IRF2: variants seen among roughly 807,000 people sequenced by gnomAD.
IRF2 encodes the protein interferon regulatory factor 2.
Under a neutral mutation model 40.6 loss-of-function variants are expected in IRF2, and 15 were observed. That is an observed-to-expected ratio of 0.37 (90% CI 0.25 to 0.57). The LOEUF is 0.57. IRF2 is among the 20% of genes least tolerant of loss of function. The pLI is 0.77. For missense variants in IRF2, 317 were observed against 455.7 expected, an observed-to-expected ratio of 0.70 and a Z score of 2.77; for synonymous variants, 151 against 165.5, an observed-to-expected ratio of 0.91 and a Z score of 0.67.
chr4:184,392,250 A>G (rs1338360966), intron 7 of IRF2, among the ~76,000 whole-genome samples: 1 of 152,216 alleles, frequency 6.6e-6, no homozygotes, highest in East Asian at 1.9e-4. Context: ...AGTAACTGCA[A>G]TAGCTTCTCT....
chr4:184,440,672 T>C (rs1229466270), intron 1 of IRF2, among the ~76,000 whole-genome samples: 1 of 152,230 alleles, frequency 6.6e-6, no homozygotes, highest in Non-Finnish European at 1.5e-5. Context: ...CCTGTTCCCA[T>C]TTTCCACAGG....
intron 1 of IRF2, among the ~76,000 whole-genome samples, chr4:184,458,617 C>T (rs969592795): frequency 2.0e-4 from 31 of 152,216 alleles, no homozygotes; most frequent in African/African-American, 7.0e-4. Context: ...ACTCCTCTTA[C>T]CACTCTGCTT....
rs553954040 is a variant in IRF2, at chr4:184,416,461, A to G, written c.411+1706T>C. Among the ~76,000 whole-genome samples, 153 of 152,270 alleles carry G rather than the reference A, an allele frequency of 1.0e-3. 1 individual carries two copies. Among genetic ancestry groups the G allele is most frequent in the African/African-American group, 3.6e-3 (149 of 41,552 alleles). ...AACATATATCCTTAAAAAATACTTA[A>G]AAGACATTCAAAAATCACATGTGGA... is the stretch of plus-strand genomic sequence containing the variant. On this transcript the variant is annotated intron_variant, in intron 5 of 8. Coordinates refer to ENST00000393593, the MANE Select transcript of IRF2 (RefSeq NM_002199.4).
chr4:184,397,929 C>G (rs575285714), intron 7 of IRF2, among the ~76,000 whole-genome samples: 10 of 152,308 alleles, frequency 6.6e-5, no homozygotes, highest in African/African-American at 2.4e-4. Flanking sequence ...AATGGAAGAA[C>G]CAACTGGATC....
At position 184,408,211 on chromosome 4, in the gene IRF2, G is replaced by T. The variant is rs867731983; in HGVS notation, c.476C>A (p.Ala159Glu). The T allele has an allele frequency of 6.2e-7, 1 of 1,612,538 alleles. No individual in the cohort carries two copies. Among genetic ancestry groups the T allele is most frequent in the Admixed American group, 1.7e-5 (1 of 60,002 alleles). Residue 159 changes from alanine (A) to glutamate (E), a missense_variant, in exon 6 of 9, where the codon GCG becomes GAG. By Grantham distance (107) the Ala-to-Glu change is moderately radical. This residue lies in a region of IRF2 where 262 missense variants were observed against 334.0 expected (regional missense o/e 0.78). Coordinates refer to ENST00000393593, the MANE Select transcript of IRF2 (RefSeq NM_002199.4). The surrounding 1 kb of genome is among the most constrained non-coding windows in gnomAD (Gnocchi z 4.9). The stretch of plus-strand genomic sequence containing the variant: ...ATTTTTTATAGTTGAAGTCAGGACC[G>T]CATACTCAGGAGAAAGATCACTTAC... Reference protein sequence around the residue: ...NGVSDLSPEYAVLTSTIKNEV... With the variant: ...NGVSDLSPEYEVLTSTIKNEV...
Position 184,388,625 on chromosome 4 carries a change from A to G in IRF2, c.*133T>C. ...TCCAGTACTGGAGTTGGACACAGCA[A>G]TCAATGTTCTATTGTCAAGGCTTTT... On this transcript the variant is annotated 3_prime_UTR_variant, in exon 9 of 9. Coordinates refer to ENST00000393593, the MANE Select transcript of IRF2 (RefSeq NM_002199.4). The surrounding 1 kb of genome is among the most constrained non-coding windows in gnomAD (Gnocchi z 4.6). The G allele has an allele frequency of 1.1e-6, 1 of 906,866 alleles. No homozygotes were observed. The highest frequency in any genetic ancestry group is 1.7e-6 in the Non-Finnish European group (1 of 591,130). 56.2% of individuals were successfully genotyped at this position (906,866 alleles called of 1,614,324 possible).
At chr4:184,423,051 A>T (rs1420799650) in intron 2 of IRF2, among the ~76,000 whole-genome samples, 1 of 152,196 alleles carries the variant, frequency 6.6e-6, no homozygotes, top group Non-Finnish European at 1.5e-5. Flanking sequence ...TTTGAAGAAG[A>T]CCATATGAAA....
At chr4:184,418,140 C>A in intron 5 of IRF2, 27 bp downstream of exon 5, 1 of 1,596,732 alleles carries the variant, frequency 6.3e-7, no homozygotes, top group South Asian at 1.1e-5. Flanking sequence ...CCAACTTTGG[C>A]TTTCTCTCTG....
At chr4:184,406,841 A>G (rs1365309629) in intron 6 of IRF2, among the ~76,000 whole-genome samples, 5 of 152,214 alleles carry the variant, frequency 3.3e-5, no homozygotes, top group Non-Finnish European at 2.9e-5. Context: ...GAGTTTCACC[A>G]TAGATAAAGA....
intron 5 of IRF2, among the ~76,000 whole-genome samples, chr4:184,409,258 C>T (rs1192174001): frequency 5.3e-5 from 8 of 152,102 alleles, no homozygotes; most frequent in South Asian, 2.1e-4. Context: ...CAACAGTGGT[C>T]GGCTCTGAAA....
At chr4:184,449,972 G>A (rs1394543624) in intron 1 of IRF2, among the ~76,000 whole-genome samples, 6 of 152,186 alleles carry the variant, frequency 3.9e-5, no homozygotes, top group Non-Finnish European at 7.4e-5. Context: ...AGAAGCCTCT[G>A]GTTGTAGGGG....
intron 1 of IRF2, among the ~76,000 whole-genome samples, chr4:184,452,806 GAAAGAA>G: frequency 9.4e-6 from 1 of 106,736 alleles, no homozygotes. Flanking sequence ...GGGAAAGAAA[GAAAGAA>G]GAAATAGAGA....
At chr4:184,473,171 T>C (rs1739580899) in intron 1 of IRF2, among the ~76,000 whole-genome samples, 1 of 151,150 alleles carries the variant, frequency 6.6e-6, no homozygotes, top group Admixed American at 6.6e-5. Context: ...GCACCAACCA[T>C]GTTCGGCCAG....
intron 5 of IRF2, among the ~76,000 whole-genome samples, chr4:184,416,328 CAAAAAAAAAAA>C (rs35274774): frequency 3.0e-5 from 3 of 100,174 alleles, no homozygotes; most frequent in African/African-American, 3.9e-5. Flanking sequence ...AAAAAAAAAA[CAAAAAAAAAAA>C]AAAACGAAAA....
At chr4:184,459,840 A>G (rs1225114368) in intron 1 of IRF2, among the ~76,000 whole-genome samples, 2 of 152,368 alleles carry the variant, frequency 1.3e-5, no homozygotes, top group Non-Finnish European at 2.9e-5. Flanking sequence ...CCCTATCAAA[A>G]CAAAAAGATA....
At chr4:184,472,534 A>T (rs1031734101) in intron 1 of IRF2, 1 of 152,152 alleles carries the variant, frequency 6.6e-6, no homozygotes, top group Non-Finnish European at 1.5e-5. Flanking sequence ...CTGGCCATTC[A>T]TCAAAAGCAG....
chr4:184,421,810 C>T (rs1737493020), intron 2 of IRF2, among the ~76,000 whole-genome samples: 1 of 152,206 alleles, frequency 6.6e-6, no homozygotes, highest in African/African-American at 2.4e-5. Flanking sequence ...CCAAACCCAG[C>T]AACATACACT....
At chr4:184,395,273 C>T (rs1177973309) in intron 7 of IRF2, among the ~76,000 whole-genome samples, 2 of 151,912 alleles carry the variant, frequency 1.3e-5, no homozygotes, top group Non-Finnish European at 2.9e-5. Context: ...ATTAGCCGGG[C>T]TTGGTTGTGG....
chr4:184,402,818 G>A (rs1373088459), intron 6 of IRF2, among the ~76,000 whole-genome samples: 4 of 152,208 alleles, frequency 2.6e-5, no homozygotes, highest in African/African-American at 9.6e-5. Flanking sequence ...GTGTTGGGGT[G>A]ATGAAAATGT....
Sources: allele counts gnomAD v4.1 joint callset (sites outside exome capture counted in the v4.1 genomes callset), GRCh38; gene constraint gnomAD v4.1.1; regional missense constraint gnomAD v4.1.1; non-coding constraint Gnocchi (gnomAD v3.1); transcripts MANE v1.5; gene names NCBI Gene and HGNC (gene_info 2026-07-23, HGNC 2026-07-21).